The following DLGAP2 variants were observed in gnomAD, a reference collection of about 807,000 sequenced individuals.
DLGAP2 encodes DLG associated protein 2.
Under a neutral mutation model 100.3 loss-of-function variants are expected in DLGAP2, and 26 were observed. That is an observed-to-expected ratio of 0.26 (90% CI 0.19 to 0.36). DLGAP2 has a LOEUF of 0.36. Ranked by LOEUF, DLGAP2 falls within the 10% of genes least tolerant of loss-of-function variation. The pLI, the probability that DLGAP2 is intolerant of heterozygous loss-of-function variation, is 1.00. For synonymous variants in DLGAP2, 886 were observed against 630.1 expected, an observed-to-expected ratio of 1.41 and a Z score of -6.08; for missense variants, 1,858 against 1,453.2, an observed-to-expected ratio of 1.28 and a Z score of -4.53.
chr8:769,672 A>T (rs1821305778), intron 1 of DLGAP2, among the ~76,000 whole-genome samples: 1 of 152,138 alleles, frequency 6.6e-6, no homozygotes, highest in African/African-American at 2.4e-5. Context: ...GTGTTTGCAC[A>T]TCCTAGACGG....
intron 1 of DLGAP2, chr8:883,331 G>A (rs555592011): frequency 6.6e-6 from 1 of 152,146 alleles, no homozygotes; most frequent in African/African-American, 2.4e-5. Context: ...CGGATAGAAG[G>A]ATTCATTGCC....
intron 2 of DLGAP2, among the ~76,000 whole-genome samples, chr8:1,062,648 C>G (rs1803121166): frequency 6.6e-6 from 1 of 152,134 alleles, no homozygotes; most frequent in Non-Finnish European, 1.5e-5. Flanking sequence ...TTCCCTTGCC[C>G]TCCCTCCCTC....
intron 3 of DLGAP2, chr8:1,380,382 C>T (rs535227919): frequency 6.6e-6 from 1 of 152,214 alleles, no homozygotes; most frequent in African/African-American, 2.4e-5. Flanking sequence ...TGAAATAAAT[C>T]GCAGGTTACT....
chr8:1,029,110 G>A (rs1801900170), intron 2 of DLGAP2, among the ~76,000 whole-genome samples: 2 of 152,218 alleles, frequency 1.3e-5, no homozygotes, highest in Middle Eastern at 3.2e-3. Flanking sequence ...GGTGCAGGGG[G>A]AGGAGATAAC....
chr8:1,489,365 G>A (rs187521169), intron 3 of DLGAP2, among the ~76,000 whole-genome samples: 76 of 152,324 alleles, frequency 5.0e-4, no homozygotes, highest in African/African-American at 1.6e-3. Flanking sequence ...GCGAGGGACT[G>A]TTGTTCTGTG....
intron 3 of DLGAP2, among the ~76,000 whole-genome samples, chr8:1,450,596 C>T (rs1432659529): frequency 6.6e-6 from 1 of 152,106 alleles, no homozygotes; most frequent in African/African-American, 2.4e-5. Flanking sequence ...CCCAGGGCTA[C>T]TTCCTCCTGC....
At chr8:830,739 C>G (rs1796765482) in intron 1 of DLGAP2, among the ~76,000 whole-genome samples, 1 of 151,980 alleles carries the variant, frequency 6.6e-6, no homozygotes, top group Non-Finnish European at 1.5e-5. Context: ...AGGTATTAAC[C>G]CTTTTTCCTA....
intron 3 of DLGAP2, among the ~76,000 whole-genome samples, chr8:1,472,448 C>T (rs1169101204): frequency 1.3e-5 from 2 of 152,162 alleles, no homozygotes; most frequent in African/African-American, 4.8e-5. Context: ...GTCTGGTATA[C>T]ATATTTCCAG....
At chr8:1,488,054 G>C (rs928178266) in intron 3 of DLGAP2, among the ~76,000 whole-genome samples, 2 of 152,186 alleles carry the variant, frequency 1.3e-5, no homozygotes, top group African/African-American at 4.8e-5. Context: ...GGAGGGCAGA[G>C]GTGTTGAGTT....
rs1484327803 is a variant in DLGAP2 at position 1,090,434 on chromosome 8, G to C, written c.74-168417G>C. Among the ~76,000 whole-genome samples, 2 of 152,282 alleles carry C rather than the reference G, an allele frequency of 1.3e-5. 1 individual carries two copies. Among genetic ancestry groups the C allele is most frequent in the Non-Finnish European group, 2.9e-5 (2 of 68,048 alleles). ...GGGGCCCTCCTGGCCAGGCAGGGCA[G>C]GCTCTTGGGCTCCTTAGCTTTTGAC... On this transcript the variant is annotated intron_variant, in intron 2 of 14. Transcript: ENST00000637795.
chr8:758,684 C>T (rs1820981908), intron 1 of DLGAP2, among the ~76,000 whole-genome samples: 1 of 152,118 alleles, frequency 6.6e-6, no homozygotes, highest in Non-Finnish European at 1.5e-5. Context: ...ACCTCAGACT[C>T]CTGAGTAGCT....
At chr8:1,156,296 C>T (rs2129052103) in intron 2 of DLGAP2, among the ~76,000 whole-genome samples, 1 of 152,282 alleles carries the variant, frequency 6.6e-6, no homozygotes, top group Middle Eastern at 3.4e-3. Context: ...CCAAGGAGAG[C>T]CAAAGCCACT....
intron 2 of DLGAP2, among the ~76,000 whole-genome samples, chr8:1,033,107 C>T (rs776308870): frequency 1.4e-4 from 21 of 152,106 alleles, no homozygotes; most frequent in Admixed American, 2.0e-4. Context: ...TGCAGAGATT[C>T]TTCCTCTCCC....
intron 3 of DLGAP2, among the ~76,000 whole-genome samples, chr8:1,411,301 G>C: frequency 6.6e-6 from 1 of 152,182 alleles, no homozygotes; most frequent in East Asian, 1.9e-4. Context: ...AAAGAAAACA[G>C]AGTTAGGAAT....
intron 9 of DLGAP2, among the ~76,000 whole-genome samples, 181 bp from the exon 10 acceptor site, chr8:1,669,562 A>G (rs1053884830): frequency 2.0e-5 from 3 of 152,178 alleles, no homozygotes; most frequent in Non-Finnish European, 4.4e-5. Context: ...CGGAGCTTTA[A>G]CAGTCAGATT....
intron 3 of DLGAP2, among the ~76,000 whole-genome samples, chr8:1,332,930 G>C (rs952444603): frequency 3.3e-5 from 5 of 152,278 alleles, no homozygotes; most frequent in African/African-American, 1.2e-4. Context: ...TGTTTCCTCA[G>C]AGAGCCCCCA....
intron 2 of DLGAP2, among the ~76,000 whole-genome samples, chr8:1,168,059 G>A (rs1278945699): frequency 4.2e-5 from 5 of 119,622 alleles, no homozygotes; most frequent in African/African-American, 1.7e-4. Context: ...AGTCCCCAGA[G>A]TGTGATGTTC....
intron 2 of DLGAP2, among the ~76,000 whole-genome samples, chr8:1,103,978 C>T (rs1172534801): frequency 6.6e-6 from 1 of 152,200 alleles, no homozygotes; most frequent in African/African-American, 2.4e-5. Flanking sequence ...ACAACAAACC[C>T]TTTCTGGGCC....
At chr8:1,320,722 C>T (rs1043566194) in intron 3 of DLGAP2, among the ~76,000 whole-genome samples, 9 of 152,340 alleles carry the variant, frequency 5.9e-5, no homozygotes, top group African/African-American at 1.7e-4. Flanking sequence ...GCACACCCAC[C>T]CCAGTCATGG....
Sources: allele counts gnomAD v4.1 joint callset (sites outside exome capture counted in the v4.1 genomes callset), GRCh38; gene constraint gnomAD v4.1.1; transcripts MANE v1.5; gene names NCBI Gene and HGNC (gene_info 2026-07-23, HGNC 2026-07-21).